PTPRD: variants seen among roughly 807,000 people sequenced by gnomAD.
PTPRD encodes protein tyrosine phosphatase receptor type D, also known as receptor-type tyrosine-protein phosphatase delta.
In PTPRD, 34 loss-of-function variants were observed where a neutral mutation model predicts 214.5. The observed-to-expected ratio is 0.16, with a 90% CI of 0.12 to 0.21. The LOEUF is 0.21. Among genes scored for constraint, PTPRD ranks in the 10% least tolerant of loss-of-function variants. PTPRD has a pLI of 1.00. For synonymous variants in PTPRD, 1,128 were observed against 845.7 expected, an observed-to-expected ratio of 1.33 and a Z score of -5.79; for missense variants, 2,545 against 2,398.7, an observed-to-expected ratio of 1.06 and a Z score of -1.27.
intron 7 of PTPRD, among the ~76,000 whole-genome samples, chr9:9,728,142 T>A (rs1379038329): frequency 6.6e-6 from 1 of 152,130 alleles, no homozygotes; most frequent in African/African-American, 2.4e-5. Flanking sequence ...AAGATGTGCC[T>A]TTCACCTTCT....
intron 2 of PTPRD, among the ~76,000 whole-genome samples, chr9:10,394,611 TTAAG>T (rs1269747275): frequency 1.3e-5 from 2 of 151,878 alleles, no homozygotes; most frequent in Non-Finnish European, 2.9e-5. Context: ...CAAACACTCT[TTAAG>T]TGAGTAACTC....
At chr9:8,815,890 T>C (rs1372456393) in intron 11 of PTPRD, among the ~76,000 whole-genome samples, 2 of 152,166 alleles carry the variant, frequency 1.3e-5, no homozygotes, top group African/African-American at 4.8e-5. Context: ...AATGTACAAG[T>C]GAAATAACCA....
chr9:8,350,231 A>G (rs2075071454), intron 39 of PTPRD, among the ~76,000 whole-genome samples: 1 of 152,156 alleles, frequency 6.6e-6, no homozygotes, highest in Non-Finnish European at 1.5e-5. Flanking sequence ...TGTGTTTAAA[A>G]GTTGGCTTTT....
chr9:8,344,540 T>C (rs1855701814), intron 39 of PTPRD, among the ~76,000 whole-genome samples: 1 of 151,950 alleles, frequency 6.6e-6, no homozygotes, highest in Non-Finnish European at 1.5e-5. Flanking sequence ...TAACAGAGGC[T>C]ATGACTTGAA....
chr9:9,073,314 T>C (rs1181882998), intron 10 of PTPRD, among the ~76,000 whole-genome samples: 4 of 152,212 alleles, frequency 2.6e-5, no homozygotes, highest in African/African-American at 9.6e-5. Flanking sequence ...TGGCTTTCAA[T>C]AATATATCTG....
intron 8 of PTPRD, among the ~76,000 whole-genome samples, chr9:9,428,570 A>T (rs552021468): frequency 6.6e-6 from 1 of 152,296 alleles, no homozygotes; most frequent in East Asian, 1.9e-4. Flanking sequence ...ACATCTACAG[A>T]ACTCTCCACC....
intron 5 of PTPRD, among the ~76,000 whole-genome samples, chr9:9,840,345 G>C (rs1048028879): frequency 6.6e-6 from 1 of 151,896 alleles, no homozygotes; most frequent in African/African-American, 2.4e-5. Flanking sequence ...ATTTAGTTAA[G>C]GAAAACACAA....
chr9:10,345,550 A>G (rs2097059279), intron 2 of PTPRD, among the ~76,000 whole-genome samples: 1 of 152,126 alleles, frequency 6.6e-6, no homozygotes, highest in African/African-American at 2.4e-5. Context: ...TTTGCTGAGA[A>G]TGATGGTTTC....
intron 5 of PTPRD, among the ~76,000 whole-genome samples, chr9:9,877,383 C>T (rs7872403): frequency 6.6e-6 from 1 of 152,078 alleles, no homozygotes; most frequent in Non-Finnish European, 1.5e-5. Context: ...AGACTTCAAG[C>T]CACTTTTCCT....
chr9:9,597,901 ATCTT>A (rs1158891298), intron 7 of PTPRD, among the ~76,000 whole-genome samples: 1 of 151,976 alleles, frequency 6.6e-6, no homozygotes, highest in Non-Finnish European at 1.5e-5. Flanking sequence ...AAAGAATAAA[ATCTT>A]TCCCTAATTT....
intron 5 of PTPRD, among the ~76,000 whole-genome samples, chr9:9,857,226 T>C (rs10816210): frequency 0.17 from 25,583 of 152,168 alleles, 2,258 homozygotes; most frequent in Non-Finnish European, 0.19. Context: ...TGAAGGCCAT[T>C]TTCATGTTTT....
At chr9:9,151,509 T>C (rs2099876750) in intron 10 of PTPRD, among the ~76,000 whole-genome samples, 1 of 152,120 alleles carries the variant, frequency 6.6e-6, no homozygotes, top group Admixed American at 6.5e-5. Context: ...TCTGAAGAAT[T>C]GGGGATGAAA....
At chr9:9,388,136 T>C (rs1219807804) in intron 9 of PTPRD, among the ~76,000 whole-genome samples, 4 of 152,172 alleles carry the variant, frequency 2.6e-5, no homozygotes, top group Non-Finnish European at 5.9e-5. Flanking sequence ...GAAACTGGTT[T>C]TCCCCATGAC....
intron 27 of PTPRD, among the ~76,000 whole-genome samples, chr9:8,490,109 G>C (rs2097120362): frequency 1.3e-5 from 2 of 152,178 alleles, no homozygotes; most frequent in African/African-American, 4.8e-5. Context: ...TGGAGCTTGA[G>C]GGTTGGTAAG....
intron 7 of PTPRD, among the ~76,000 whole-genome samples, chr9:9,705,437 T>A (rs866780981): frequency 1.3e-5 from 2 of 152,148 alleles, no homozygotes; most frequent in East Asian, 3.8e-4. Context: ...ATTAAAACAC[T>A]CTGAAGTGGC....
intron 5 of PTPRD, among the ~76,000 whole-genome samples, chr9:9,864,672 C>T (rs771749018): frequency 6.6e-6 from 1 of 151,974 alleles, no homozygotes; most frequent in African/African-American, 2.4e-5. Flanking sequence ...GCGCACACCA[C>T]CAAGCCCAGC....
At chr9:10,082,672 A>ACTT (rs1246194573) in intron 3 of PTPRD, among the ~76,000 whole-genome samples, 2 of 151,966 alleles carry the variant, frequency 1.3e-5, no homozygotes, top group Non-Finnish European at 2.9e-5. Context: ...CTAGTAGTGC[A>ACTT]CTTAAATACA....
intron 9 of PTPRD, among the ~76,000 whole-genome samples, chr9:9,348,182 G>C (rs1384381379): frequency 1.3e-5 from 2 of 152,136 alleles, no homozygotes; most frequent in South Asian, 4.1e-4. Context: ...AAAGAAGCAA[G>C]AATGTTACCT....
At chr9:10,521,370 G>C (rs1164674912) in intron 2 of PTPRD, among the ~76,000 whole-genome samples, 1 of 152,158 alleles carries the variant, frequency 6.6e-6, no homozygotes, top group Non-Finnish European at 1.5e-5. Flanking sequence ...GTGAGGAGTT[G>C]CTTCTTGTGG....
Sources: gnomAD v4.1 joint callset for allele counts (sites outside exome capture counted in the v4.1 genomes callset) on GRCh38, gnomAD v4.1.1 for gene constraint, MANE v1.5 for transcripts, NCBI Gene and HGNC (gene_info 2026-07-23, HGNC 2026-07-21) for gene names.